Variants in FOXK1 observed in about 807,000 individuals in gnomAD.
The protein encoded by FOXK1 is forkhead box protein K1.
A neutral mutation model predicts 51.9 loss-of-function variants in FOXK1; 19 were observed. That is an observed-to-expected ratio of 0.37 (90% CI 0.26 to 0.54). The LOEUF is 0.54. Among genes scored for constraint, FOXK1 ranks in the 20% least tolerant of loss-of-function variants. FOXK1 has a pLI of 0.87. For synonymous variants in FOXK1, 537 were observed against 482.6 expected (o/e 1.11, Z -1.48); for missense variants, 870 against 1,032.7 (o/e 0.84, Z 2.16).
chr7:4,684,105 C>G (rs539186963), intron 1 of FOXK1, among the ~76,000 whole-genome samples: 2 of 152,310 alleles, frequency 1.3e-5, no homozygotes, highest in East Asian at 3.9e-4. Flanking sequence ...GCTCCACTGC[C>G]CTCCGCACCC....
In FOXK1 at chr7:4,761,899, C is replaced by T. The variant is rs1780937368; in HGVS notation, c.1922-285C>T. Among the ~76,000 whole-genome samples, 1 of 151,916 alleles carries T rather than the reference C, an allele frequency of 6.6e-6. No individual in the cohort carries two copies. The highest frequency in any genetic ancestry group is 1.5e-5 in the Non-Finnish European group (1 of 68,000). The stretch of plus-strand genomic sequence containing the variant: ...GTCAGTGGGGTGGCTCAGGGCAGTG[C>T]ATCTGTGTAAAGGAGTGAGGCAAGC... On this transcript the variant is annotated intron_variant, in intron 8 of 8. Coordinates refer to ENST00000328914, the MANE Select transcript of FOXK1 (RefSeq NM_001037165.2). This position sits in a 1 kb window ranked among gnomAD's most constrained non-coding sequence, Gnocchi z 6.2.
Position 4,759,115 on chromosome 7 carries a change from C to A in FOXK1, c.1309C>A (p.Pro437Thr). 6.2e-7 allele frequency: 1 copy of A among 1,611,990 alleles called. No homozygotes were observed. The highest frequency in any genetic ancestry group is 8.5e-7 in the Non-Finnish European group (1 of 1,179,890). ...CCCTCGCTCCGGCGGCCTGCAGACC[C>A]CAGAGTGCCTGTCTCGGGAGGGCTC... ...MSPRSGGLQT[P>T]ECLSREGSPI... The change falls in exon 6 of 9, where the codon CCA becomes ACA. Residue 437 changes from proline to threonine, a missense_variant. This residue lies in a region of FOXK1 where 457 missense variants were observed against 510.8 expected (regional missense o/e 0.89). Coordinates refer to ENST00000328914, the MANE Select transcript of FOXK1 (RefSeq NM_001037165.2).
rs1458223318 is a variant in FOXK1, at chr7:4,722,796, A to G, written c.561-18042A>G. Among the ~76,000 whole-genome samples the G allele has an allele frequency of 6.6e-6, 1 of 152,134 alleles. No homozygotes were observed. The highest frequency in any genetic ancestry group is 1.5e-5 in the Non-Finnish European group (1 of 68,022). On this transcript the variant is annotated intron_variant, in intron 1 of 8. Transcript: ENST00000328914. This position sits in a 1 kb window ranked among gnomAD's most constrained non-coding sequence, Gnocchi z 5.1. ...CCGTTCCTTTGCTGCTGCCTTGGCC[A>G]CAGGCCTCCACAGCCCTCTGCTGTG...
chr7:4,727,055 C>G (rs1343050035), intron 1 of FOXK1, among the ~76,000 whole-genome samples: 2 of 152,174 alleles, frequency 1.3e-5, no homozygotes, highest in African/African-American at 2.4e-5. Context: ...AGTGATCCTC[C>G]TGCCTCAGTC....
Position 4,755,034 on chromosome 7 carries a change from A to T in FOXK1, c.904-203A>T. 1.6e-6 allele frequency: 1 copy of T among 609,604 alleles called. No homozygotes were observed. The highest frequency in any genetic ancestry group is 2.8e-6 in the Non-Finnish European group (1 of 356,166). The allele number at this position is 609,604 out of a possible 1,614,324, so 37.8% of individuals were successfully genotyped here. ...CAGAATTAAATTATAATAAAACCGA[A>T]GTTTTCCTTCCCATGAGGCAAAAAT... On this transcript the variant is annotated intron_variant, in intron 3 of 8. Transcript: ENST00000328914. The surrounding 1 kb of genome is among the most constrained non-coding windows in gnomAD (Gnocchi z 6.6).
chr7:4,688,553 A>C (rs894354554), intron 1 of FOXK1, among the ~76,000 whole-genome samples: 2 of 151,880 alleles, frequency 1.3e-5, no homozygotes, highest in Admixed American at 6.6e-5. Flanking sequence ...TCGCCACGAC[A>C]CCTGGCTAAT....
intron 2 of FOXK1, among the ~76,000 whole-genome samples, chr7:4,742,645 G>A (rs1780650230): frequency 6.6e-6 from 1 of 152,064 alleles, no homozygotes; most frequent in South Asian, 2.1e-4. Context: ...TGAAACCCCT[G>A]GGCTCAAGAG....
Position 4,734,266 on chromosome 7 carries a change from T to C in FOXK1, c.561-6572T>C, listed in dbSNP as rs1780522119. Among the ~76,000 whole-genome samples, 1 of 152,186 alleles carries C rather than the reference T, an allele frequency of 6.6e-6. No homozygotes were observed. Among genetic ancestry groups the C allele is most frequent in the Admixed American group, 6.5e-5 (1 of 15,276 alleles). On this transcript the variant is annotated intron_variant, in intron 1 of 8. Transcript: ENST00000328914. The surrounding 1 kb of genome is among the most constrained non-coding windows in gnomAD (Gnocchi z 5.2). ...AGAGCCTCTGAAGCTCCTGTTTTCT[T>C]TGTCCTTCCTGAGACAGATCTCATC...
chr7:4,748,150 T>G lies in FOXK1; in HGVS notation c.747-6309T>G, dbSNP rs1261678644. 6.6e-6 allele frequency among the ~76,000 whole-genome samples: 1 copy of G among 152,170 alleles called. No individual in the cohort carries two copies. On this transcript the variant is annotated intron_variant, in intron 2 of 8. Coordinates refer to ENST00000328914, the MANE Select transcript of FOXK1 (RefSeq NM_001037165.2). This position sits in a 1 kb window ranked among gnomAD's most constrained non-coding sequence, Gnocchi z 4.9. ...ATTACGAAGAGACTATCTATCTATCTATATGCATCTTACAAAATGCAAACA... is the reference window on the plus strand; with the variant it reads ...ATTACGAAGAGACTATCTATCTATCGATATGCATCTTACAAAATGCAAACA...
chr7:4,770,866 T>G lies in FOXK1; in HGVS notation c.*8402T>G, dbSNP rs1297755929. 6.1e-5 allele frequency: 2 copies of G among 32,952 alleles called. No individual in the cohort carries two copies. Among genetic ancestry groups the G allele is most frequent in the East Asian group, 3.4e-3 (1 of 290 alleles). The allele number at this position is 32,952 out of a possible 1,614,324, so 2.0% of individuals were successfully genotyped here. ...TTTGGGAGGGGCGGGTGTTGTTCGGTGTGTGTGTGTGTGTGTGTGTGTGTG... is the reference window on the plus strand; with the variant it reads ...TTTGGGAGGGGCGGGTGTTGTTCGGGGTGTGTGTGTGTGTGTGTGTGTGTG... On this transcript the variant is annotated 3_prime_UTR_variant, in exon 9 of 9. Coordinates refer to ENST00000328914, the MANE Select transcript of FOXK1 (RefSeq NM_001037165.2).
chr7:4,710,145 CTG>C (rs913758857), intron 1 of FOXK1, among the ~76,000 whole-genome samples: 1 of 152,234 alleles, frequency 6.6e-6, no homozygotes, highest in African/African-American at 2.4e-5. Flanking sequence ...CTGTGACTGA[CTG>C]TTTTGATGAC....
intron 1 of FOXK1, among the ~76,000 whole-genome samples, chr7:4,699,449 G>C (rs932903430): frequency 2.6e-5 from 4 of 151,458 alleles, no homozygotes; most frequent in African/African-American, 9.7e-5. Flanking sequence ...GCTCACTGCA[G>C]CGTCTGCCTC....
intron 1 of FOXK1, among the ~76,000 whole-genome samples, chr7:4,716,681 C>T (rs1160550196): frequency 1.3e-5 from 2 of 152,150 alleles, no homozygotes; most frequent in African/African-American, 4.8e-5. Flanking sequence ...CGGGTGAGTA[C>T]AGAGGCCAGT....
At chr7:4,721,679 C>T (rs1028588780) in intron 1 of FOXK1, among the ~76,000 whole-genome samples, 9 of 150,108 alleles carry the variant, frequency 6.0e-5, no homozygotes, top group Admixed American at 2.7e-4. Context: ...CAACCTCTCC[C>T]TCCTGGATTC....
intron 1 of FOXK1, among the ~76,000 whole-genome samples, chr7:4,736,020 G>A (rs1057014405): frequency 3.3e-5 from 5 of 152,080 alleles, no homozygotes; most frequent in Non-Finnish European, 7.3e-5. Context: ...TCTGTGGCGC[G>A]TGCCTGTAAT....
At chr7:4,724,444 C>T (rs1036740583) in intron 1 of FOXK1, among the ~76,000 whole-genome samples, 2 of 152,196 alleles carry the variant, frequency 1.3e-5, no homozygotes, top group African/African-American at 4.8e-5. Context: ...GATCTGCGTG[C>T]CTTGGCCTCC....
intron 1 of FOXK1, among the ~76,000 whole-genome samples, chr7:4,705,959 T>TGTATATATATATAC: frequency 8.0e-6 from 1 of 125,288 alleles, no homozygotes; most frequent in Non-Finnish European, 1.6e-5. Flanking sequence ...TATATATATA[T>TGTATATATATATAC]GTATATATAT....
At chr7:4,691,681 C>T (rs1394837653) in intron 1 of FOXK1, among the ~76,000 whole-genome samples, 1 of 152,162 alleles carries the variant, frequency 6.6e-6, no homozygotes, top group African/African-American at 2.4e-5. Context: ...CGTCTGCCCT[C>T]AGTACTGCAT....
At chr7:4,726,015 C>CT (rs397728478) in intron 1 of FOXK1, among the ~76,000 whole-genome samples, 70,101 of 147,892 alleles carry the variant, frequency 0.47, 17,043 homozygotes, top group East Asian at 0.81. Context: ...ACAAACAGAA[C>CT]TTTTTTTTTT....
Sources: allele counts gnomAD v4.1 joint callset (sites outside exome capture counted in the v4.1 genomes callset), GRCh38; gene constraint gnomAD v4.1.1; regional missense constraint gnomAD v4.1.1; non-coding constraint Gnocchi (gnomAD v3.1); transcripts MANE v1.5; gene names NCBI Gene and HGNC (gene_info 2026-07-23, HGNC 2026-07-21).